SLC16A1: variants seen among roughly 807,000 people sequenced by gnomAD.
SLC16A1 encodes monocarboxylate transporter 1.
Under a neutral mutation model 32.2 loss-of-function variants are expected in SLC16A1, and 11 were observed. The observed-to-expected ratio is 0.34, with a 90% CI of 0.21 to 0.56. The LOEUF is 0.56. Ranked by LOEUF, SLC16A1 falls within the 20% of genes least tolerant of loss-of-function variation. SLC16A1 has a pLI of 0.87. For missense variants in SLC16A1, 435 were observed against 615.0 expected (o/e 0.71, Z 3.10); for synonymous variants, 231 against 226.8 (o/e 1.02, Z -0.17).
In SLC16A1 at chr1:112,930,868, G is replaced by A. The variant is rs112992969; in HGVS notation, c.-44-1516C>T. On this transcript the variant is annotated intron_variant, in intron 1 of 4. Coordinates refer to ENST00000369626, the MANE Select transcript of SLC16A1 (RefSeq NM_003051.4). Reference sequence around the variant, plus strand: ...CGAGTAGCTGGGACTACAGGCACACGCCATCACCTTTGACTGATTTTTGTA... The same window carrying A: ...CGAGTAGCTGGGACTACAGGCACACACCATCACCTTTGACTGATTTTTGTA... 3.9e-3 allele frequency among the ~76,000 whole-genome samples: 600 copies of A among 151,992 alleles called. 1 individual carries two copies. The highest frequency in any genetic ancestry group is 6.4e-3 in the Non-Finnish European group (437 of 67,982).
At chr1:112,941,506 C>T (rs1340345269) in intron 1 of SLC16A1, among the ~76,000 whole-genome samples, 1 of 152,158 alleles carries the variant, frequency 6.6e-6, no homozygotes, top group Non-Finnish European at 1.5e-5. Flanking sequence ...TGGTCTCAAA[C>T]CCCCGACCTC....
chr1:112,949,152 C>T (rs1169788157), intron 1 of SLC16A1, among the ~76,000 whole-genome samples: 1 of 152,048 alleles, frequency 6.6e-6, no homozygotes, highest in Admixed American at 6.6e-5. Context: ...CAGGTTCAAG[C>T]GATTCTCCTG....
At chr1:112,926,419 C>T (rs1394483817) in intron 2 of SLC16A1, among the ~76,000 whole-genome samples, 1 of 152,034 alleles carries the variant, frequency 6.6e-6, no homozygotes, top group African/African-American at 2.4e-5. Flanking sequence ...ACCATCTCTA[C>T]TAAAAATACA....
chr1:112,916,845 C>A (rs1016743507), intron 4 of SLC16A1, among the ~76,000 whole-genome samples: 13 of 152,060 alleles, frequency 8.5e-5, no homozygotes, highest in African/African-American at 3.1e-4. Context: ...AGGGGAATCG[C>A]TTGAACCTGG....
chr1:112,944,400 C>T (rs571751853), intron 1 of SLC16A1, among the ~76,000 whole-genome samples: 232 of 152,264 alleles, frequency 1.5e-3, no homozygotes, highest in Non-Finnish European at 2.5e-3. Context: ...GCCAAGATCA[C>T]GCCACTGGAC....
intron 1 of SLC16A1, among the ~76,000 whole-genome samples, chr1:112,939,639 G>C (rs1460185859): frequency 6.6e-6 from 1 of 152,040 alleles, no homozygotes; most frequent in Non-Finnish European, 1.5e-5. Flanking sequence ...CTGAGTAGCT[G>C]GGATTACAAG....
At chr1:112,944,027 TTAAA>T (rs1649603457) in intron 1 of SLC16A1, among the ~76,000 whole-genome samples, 5 of 152,148 alleles carry the variant, frequency 3.3e-5, no homozygotes, top group Non-Finnish European at 5.9e-5. Flanking sequence ...AACAAATTAA[TTAAA>T]TAAATATGTT....
intron 1 of SLC16A1, among the ~76,000 whole-genome samples, chr1:112,953,811 C>T (rs1649984857): frequency 6.6e-6 from 1 of 152,174 alleles, no homozygotes; most frequent in Non-Finnish European, 1.5e-5. Flanking sequence ...ACAGTATTTC[C>T]TCAGAGAGGT....
intron 1 of SLC16A1, among the ~76,000 whole-genome samples, chr1:112,935,392 G>A (rs979483368): frequency 1.3e-5 from 2 of 152,022 alleles, no homozygotes; most frequent in African/African-American, 4.8e-5. Context: ...CTGGTGACAC[G>A]GCAAGACTCC....
chr1:112,916,417 G>C (rs1648510975), intron 4 of SLC16A1, among the ~76,000 whole-genome samples: 1 of 143,420 alleles, frequency 7.0e-6, no homozygotes, highest in South Asian at 2.2e-4. Flanking sequence ...AGAATTGCTT[G>C]AACCCAGGAG....
At chr1:112,920,686 G>A (rs182476830) in intron 3 of SLC16A1, among the ~76,000 whole-genome samples, 1 of 151,980 alleles carries the variant, frequency 6.6e-6, no homozygotes, top group Non-Finnish European at 1.5e-5. Context: ...AAACAGAAGT[G>A]GACAAATATT....
chr1:112,954,479 C>G (rs1650008120), intron 1 of SLC16A1, among the ~76,000 whole-genome samples: 1 of 152,186 alleles, frequency 6.6e-6, no homozygotes, highest in African/African-American at 2.4e-5. Context: ...AGGATCCTTT[C>G]CAGGGCTAAT....
chr1:112,917,677 T>C lies in SLC16A1; in HGVS notation c.729A>G (p.Arg243=). The change falls in exon 4 of 5, where the codon CGA becomes CGG. Residue 243 remains arginine, a synonymous_variant. Transcript: ENST00000369626. This position sits in a 1 kb window ranked among gnomAD's most constrained non-coding sequence, Gnocchi z 4.1. ...LIGRHPKQEK[R]SVFQTINQFL... Reference sequence around the variant, plus strand: ...ACTGATTAATTGTTTGGAAGACTGATCGTTTCTCTTGTTTAGGGTGTCTTC... The same window carrying C: ...ACTGATTAATTGTTTGGAAGACTGACCGTTTCTCTTGTTTAGGGTGTCTTC... 1 of 1,614,268 alleles carries C rather than the reference T, an allele frequency of 6.2e-7. No individual in the cohort carries two copies. Among genetic ancestry groups the C allele is most frequent in the Non-Finnish European group, 8.5e-7 (1 of 1,180,042 alleles).
intron 1 of SLC16A1, among the ~76,000 whole-genome samples, chr1:112,935,507 G>C (rs1649272012): frequency 1.3e-5 from 2 of 152,154 alleles, no homozygotes; most frequent in Admixed American, 6.6e-5. Context: ...GGTTTGAAGA[G>C]ATTAGTCAGA....
chr1:112,923,448 G>A (rs1648812652), intron 2 of SLC16A1: 1 of 712,174 alleles, frequency 1.4e-6, no homozygotes. Flanking sequence ...ACGGTGTTGG[G>A]TGCCATGGAG....
chr1:112,950,414 AGAAG>A (rs932539748), intron 1 of SLC16A1, among the ~76,000 whole-genome samples: 7 of 152,258 alleles, frequency 4.6e-5, no homozygotes, highest in African/African-American at 1.7e-4. Context: ...GAGCAAAATC[AGAAG>A]GAAGACATAT....
chr1:112,925,644 G>T (rs1648914355), intron 2 of SLC16A1, among the ~76,000 whole-genome samples: 1 of 152,164 alleles, frequency 6.6e-6, no homozygotes, highest in Admixed American at 6.5e-5. Flanking sequence ...CTCCCAAAGT[G>T]CTGGGATTAT....
intron 1 of SLC16A1, among the ~76,000 whole-genome samples, chr1:112,951,919 T>C (rs146400524): frequency 6.6e-6 from 1 of 152,300 alleles, no homozygotes; most frequent in African/African-American, 2.4e-5. Flanking sequence ...AAATAAATGG[T>C]AGAATTAAAG....
intron 1 of SLC16A1, among the ~76,000 whole-genome samples, chr1:112,932,343 T>G (rs1649161248): frequency 6.6e-6 from 1 of 152,140 alleles, no homozygotes; most frequent in South Asian, 2.1e-4. Context: ...AAGAACAGCC[T>G]GGACAACACA....
Sources: gnomAD v4.1 joint callset for allele counts (sites outside exome capture counted in the v4.1 genomes callset) on GRCh38, gnomAD v4.1.1 for gene constraint, Gnocchi (gnomAD v3.1) non-coding constraint, MANE v1.5 for transcripts, NCBI Gene and HGNC (gene_info 2026-07-23, HGNC 2026-07-21) for gene names.